Variants in RAVER2 observed in about 807,000 individuals in gnomAD.
RAVER2 encodes the protein ribonucleoprotein, PTB binding 2, also known as ribonucleoprotein PTB-binding 2.
A neutral mutation model predicts 78.1 loss-of-function variants in RAVER2; 46 were observed. The observed-to-expected ratio is 0.59, with a 90% CI of 0.46 to 0.75. The LOEUF (loss-of-function observed/expected upper bound fraction) is 0.75, where lower values mean the gene tolerates loss of function less well. RAVER2 is among the 30% of genes least tolerant of loss of function. RAVER2 has a pLI of 0.00. For synonymous variants in RAVER2, 311 were observed against 313.3 expected (o/e 0.99, Z 0.08); for missense variants, 793 against 837.5 (o/e 0.95, Z 0.66).
At chr1:64,784,063 T>C (rs1652710688) in intron 4 of RAVER2, among the ~76,000 whole-genome samples, 2 of 152,200 alleles carry the variant, frequency 1.3e-5, no homozygotes, top group Non-Finnish European at 2.9e-5. Context: ...TTCAATCTTT[T>C]ATTGGTTGGT....
At chr1:64,750,192 T>C (rs1010314166) in intron 1 of RAVER2, among the ~76,000 whole-genome samples, 3 of 152,184 alleles carry the variant, frequency 2.0e-5, no homozygotes, top group African/African-American at 7.2e-5. Flanking sequence ...TTTGAAACCA[T>C]AATATTACCA....
At chr1:64,761,887 AT>A (rs1652033102) in intron 1 of RAVER2, among the ~76,000 whole-genome samples, 1 of 151,892 alleles carries the variant, frequency 6.6e-6, no homozygotes, top group South Asian at 2.1e-4. Flanking sequence ...AGGCAGGTGT[AT>A]TGCTTGAGCC....
intron 2 of RAVER2, among the ~76,000 whole-genome samples, chr1:64,769,193 G>A (rs1652251508): frequency 6.6e-6 from 1 of 151,914 alleles, no homozygotes; most frequent in South Asian, 2.1e-4. Flanking sequence ...AATAAATTAT[G>A]GAGGATAATG....
At chr1:64,788,205 G>C (rs1461071158) in intron 4 of RAVER2, among the ~76,000 whole-genome samples, 1 of 152,176 alleles carries the variant, frequency 6.6e-6, no homozygotes, top group Non-Finnish European at 1.5e-5. Context: ...GGGCACGGTG[G>C]CTTATGCCTG....
At chr1:64,749,012 T>TA (rs1414116435) in intron 1 of RAVER2, among the ~76,000 whole-genome samples, 1 of 151,670 alleles carries the variant, frequency 6.6e-6, no homozygotes, top group Non-Finnish European at 1.5e-5. Flanking sequence ...TTTTTTTTTT[T>TA]AATTTTTTGT....
intron 2 of RAVER2, among the ~76,000 whole-genome samples, chr1:64,775,099 A>G (rs1237518957): frequency 6.6e-6 from 1 of 152,178 alleles, no homozygotes; most frequent in Non-Finnish European, 1.5e-5. Context: ...GGTTTTCTAA[A>G]TATACAATCA....
At chr1:64,830,332 T>C (rs1361254849) in intron 11 of RAVER2, among the ~76,000 whole-genome samples, 3 of 152,230 alleles carry the variant, frequency 2.0e-5, no homozygotes, top group African/African-American at 7.2e-5. Context: ...GCTCTGAGTT[T>C]CCCATTGCTC....
At chr1:64,777,396 G>A (rs939424455) in intron 2 of RAVER2, among the ~76,000 whole-genome samples, 1 of 151,990 alleles carries the variant, frequency 6.6e-6, no homozygotes, top group African/African-American at 2.4e-5. Context: ...TCTATTTTGG[G>A]TTACTGTTGA....
At chr1:64,811,555 C>G (rs1653606927) in intron 9 of RAVER2, among the ~76,000 whole-genome samples, 1 of 152,196 alleles carries the variant, frequency 6.6e-6, no homozygotes. Flanking sequence ...CCATTTCAGA[C>G]AGATCCATAT....
intron 1 of RAVER2, among the ~76,000 whole-genome samples, chr1:64,761,734 T>TA (rs944331005): frequency 6.6e-5 from 10 of 152,020 alleles, no homozygotes; most frequent in African/African-American, 9.7e-5. Flanking sequence ...TTTAAAGATA[T>TA]AAAAAAAGAT....
At chr1:64,787,950 TG>T (rs1279818842) in intron 4 of RAVER2, among the ~76,000 whole-genome samples, 1 of 152,184 alleles carries the variant, frequency 6.6e-6, no homozygotes, top group Non-Finnish European at 1.5e-5. Flanking sequence ...TCGCAGTATG[TG>T]GGTTGGGAGA....
chr1:64,745,192 A>ACGG lies in RAVER2; in HGVS notation c.29_31dup (p.Gly10dup), dbSNP rs1178378942. 9.8e-7 allele frequency: 1 copy of ACGG among 1,023,558 alleles called. No homozygotes were observed. The highest frequency in any genetic ancestry group is 1.2e-6 in the Non-Finnish European group (1 of 857,148). 63.4% of individuals were successfully genotyped at this position (1,023,558 alleles called of 1,614,324 possible). A position where few individuals can be genotyped will look rare whatever the true frequency, so the allele number is the denominator to read the frequency against. Reference sequence around the variant, plus strand: ...GGGAAGATGGCGGCGGCGGCGGGAGACGGCGGCGGCGAGGGGGGCGCGGGC... The same window carrying ACGG: ...GGGAAGATGGCGGCGGCGGCGGGAGACGGCGGCGGCGGCGAGGGGGGCGCGGGC... On this transcript the variant is annotated inframe_insertion, in exon 1 of 12. Coordinates refer to ENST00000294428, the Ensembl canonical transcript of RAVER2. This position sits in a 1 kb window ranked among gnomAD's most constrained non-coding sequence, Gnocchi z 4.3.
intron 2 of RAVER2, among the ~76,000 whole-genome samples, chr1:64,774,550 C>G (rs189888075): frequency 2.0e-5 from 3 of 152,236 alleles, no homozygotes; most frequent in African/African-American, 7.2e-5. Flanking sequence ...TGTTTTGGTA[C>G]CAGTACCATG....
At chr1:64,781,256 A>T (rs1392532186) in intron 3 of RAVER2, 124 bp from the exon 4 acceptor site, 2 of 857,838 alleles carry the variant, frequency 2.3e-6, no homozygotes, top group African/African-American at 3.4e-5. Context: ...TAAAGAAAGA[A>T]TATGTTATTT....
chr1:64,758,731 T>C (rs1038041358), intron 1 of RAVER2, among the ~76,000 whole-genome samples: 2 of 152,168 alleles, frequency 1.3e-5, no homozygotes, highest in Non-Finnish European at 2.9e-5. Context: ...TGATTTGGCC[T>C]TGGGAGACCC....
chr1:64,826,698 C>T (rs1192567378), intron 11 of RAVER2, among the ~76,000 whole-genome samples: 1 of 152,154 alleles, frequency 6.6e-6, no homozygotes, highest in Non-Finnish European at 1.5e-5. Flanking sequence ...TATAGTTTAA[C>T]ATGCCTAGCT....
At chr1:64,752,642 A>T (rs901095471) in intron 1 of RAVER2, among the ~76,000 whole-genome samples, 5 of 152,014 alleles carry the variant, frequency 3.3e-5, no homozygotes, top group Non-Finnish European at 5.9e-5. Flanking sequence ...TTTCATCTCT[A>T]TCCCCATCTG....
exon 9 of RAVER2, chr1:64,807,241 G>A: frequency 1.2e-6 from 2 of 1,614,102 alleles, no homozygotes; most frequent in South Asian, 2.2e-5. Context: ...AACGATAACA[G>A]CTGGAATGGG....
chr1:64,788,812 A>AT (rs1274970777), intron 4 of RAVER2, among the ~76,000 whole-genome samples: 1 of 151,292 alleles, frequency 6.6e-6, no homozygotes, highest in Non-Finnish European at 1.5e-5. Context: ...AAAAAAGAAG[A>AT]TTTTGAATTG....
Sources: allele counts gnomAD v4.1 joint callset (sites outside exome capture counted in the v4.1 genomes callset), GRCh38; gene constraint gnomAD v4.1.1; non-coding constraint Gnocchi (gnomAD v3.1); transcripts MANE v1.5; gene names NCBI Gene and HGNC (gene_info 2026-07-23, HGNC 2026-07-21).